The following TTC6 variants were observed in gnomAD, a reference collection of about 807,000 sequenced individuals.
The protein encoded by TTC6 is tetratricopeptide repeat domain 6, also known as tetratricopeptide repeat protein 6.
TTC6 carries 172 observed loss-of-function variants against 210.4 expected under a neutral mutation model. The observed-to-expected ratio is 0.82, with a 90% CI of 0.72 to 0.93. The LOEUF (loss-of-function observed/expected upper bound fraction) is 0.93, where lower values mean the gene tolerates loss of function less well. TTC6 is among the 40% of genes least tolerant of loss of function. The probability of loss-of-function intolerance (pLI) is 0.00; values close to 1 mark genes in which losing one functional copy is unlikely to be tolerated. For missense variants in TTC6, 2,414 were observed against 2,318.1 expected (o/e 1.04, Z -0.85); for synonymous variants, 804 against 819.6 (o/e 0.98, Z 0.32).
At chr14:37,750,566 C>G (rs2095948651) in intron 12 of TTC6, among the ~76,000 whole-genome samples, 1 of 152,094 alleles carries the variant, frequency 6.6e-6, no homozygotes, top group Non-Finnish European at 1.5e-5. Context: ...CCTTTGAGAA[C>G]AAATTTGGCA....
chr14:37,777,913 A>G (rs1385891661), intron 14 of TTC6, among the ~76,000 whole-genome samples: 2 of 151,912 alleles, frequency 1.3e-5, no homozygotes, highest in African/African-American at 2.4e-5. Context: ...CCTGGGCTGC[A>G]TGTTCTAACT....
intron 14 of TTC6, among the ~76,000 whole-genome samples, chr14:37,785,535 T>G (rs1347219654): frequency 6.6e-6 from 1 of 152,122 alleles, no homozygotes; most frequent in Non-Finnish European, 1.5e-5. Context: ...TTTCTCAAGG[T>G]TTTTAGCTGC....
intron 26 of TTC6, among the ~76,000 whole-genome samples, 193 bp downstream of exon 28, chr14:37,817,844 A>G (rs1218924750): frequency 6.6e-6 from 1 of 152,144 alleles, no homozygotes; most frequent in African/African-American, 2.4e-5. Flanking sequence ...GTTCCTCAGC[A>G]CCCTTCTGCC....
At chr14:37,640,467 C>T (rs1434128015) in intron 1 of TTC6, among the ~76,000 whole-genome samples, 1 of 152,156 alleles carries the variant, frequency 6.6e-6, no homozygotes, top group East Asian at 1.9e-4. Context: ...AAAAGCATCT[C>T]CTCCTAGTCC....
At position 37,749,349 on chromosome 14, in the gene TTC6, C is replaced by A. The variant is rs776169838; in HGVS notation, c.2774C>A (p.Ala925Asp). The A allele has an allele frequency of 4.1e-6, 6 of 1,481,280 alleles. No homozygotes were observed. The Admixed American group carries it at 1.4e-4, about 36-fold the overall frequency. 91.8% of individuals were successfully genotyped at this position (1,481,280 alleles called of 1,614,324 possible). A position where few individuals can be genotyped will look rare whatever the true frequency, so the allele number is the denominator to read the frequency against. ...GCATTTGCATATTGTAGGCGTGGAG[C>A]TATTTATAGGAAACTGGGAAAGTTG... Residue 925 changes from alanine to aspartate, a missense_variant, in exon 11 of 31, where the codon GCT becomes GAT. Ala to Asp is a moderately radical substitution (Grantham distance 126, BLOSUM62 -2). Coordinates refer to ENST00000553443, the Ensembl canonical transcript of TTC6.
intron 14 of TTC6, among the ~76,000 whole-genome samples, chr14:37,776,997 A>T (rs780525263): frequency 1.6e-4 from 24 of 152,040 alleles, no homozygotes; most frequent in Non-Finnish European, 2.6e-4. Context: ...TTTGTAGGTG[A>T]CCTGTCCTTT....
intron 24 of TTC6, among the ~76,000 whole-genome samples, chr14:37,810,260 C>T (rs1342609679): frequency 1.3e-5 from 2 of 152,174 alleles, no homozygotes; most frequent in Non-Finnish European, 2.9e-5. Flanking sequence ...AGGATTCCCT[C>T]CCCAACCCCA....
intron 3 of TTC6, among the ~76,000 whole-genome samples, chr14:37,683,427 G>A (rs953975281): frequency 1.3e-5 from 2 of 152,008 alleles, no homozygotes; most frequent in African/African-American, 4.8e-5. Context: ...TATCATATTT[G>A]CATATCACCC....
intron 10 of TTC6, among the ~76,000 whole-genome samples, chr14:37,742,107 G>A (rs975722916): frequency 6.6e-6 from 1 of 152,158 alleles, no homozygotes; most frequent in South Asian, 2.1e-4. Context: ...CCAACGTTCT[G>A]TCTTCCAGGA....
chr14:37,630,282 T>G (rs1170557705), intron 1 of TTC6, among the ~76,000 whole-genome samples: 2 of 152,338 alleles, frequency 1.3e-5, no homozygotes, highest in Non-Finnish European at 2.9e-5. Flanking sequence ...ATGTTGTGTC[T>G]TTGTTCTCAT....
intron 14 of TTC6, among the ~76,000 whole-genome samples, chr14:37,766,514 A>T (rs1267571180): frequency 6.6e-6 from 1 of 152,142 alleles, no homozygotes; most frequent in Non-Finnish European, 1.5e-5. Context: ...CTCCAGTTTT[A>T]TTCATGCCAC....
chr14:37,740,924 A>G (rs1483336233), intron 10 of TTC6, among the ~76,000 whole-genome samples: 2 of 152,182 alleles, frequency 1.3e-5, no homozygotes, highest in African/African-American at 4.8e-5. Flanking sequence ...AAGGATATAA[A>G]CTGATCAAAT....
At chr14:37,635,981 C>CAAAAAAAAAAAAAAAAAAAAAAAA (rs71433909) in intron 1 of TTC6, among the ~76,000 whole-genome samples, 4 of 70,358 alleles carry the variant, frequency 5.7e-5, no homozygotes, top group African/African-American at 6.7e-5. Context: ...ATTCCATTTC[C>CAAAAAAAAAAAAAAAAAAAAAAAA]AAAAAAAAAA....
At chr14:37,622,419 G>A in exon 1 of TTC6, 2 of 1,534,862 alleles carry the variant, frequency 1.3e-6, no homozygotes, top group Non-Finnish European at 1.7e-6. Flanking sequence ...TCGCCCCCGG[G>A]ACTTTTACTT....
chr14:37,648,518 T>G (rs1256482226), intron 1 of TTC6, among the ~76,000 whole-genome samples: 1 of 152,208 alleles, frequency 6.6e-6, no homozygotes, highest in Non-Finnish European at 1.5e-5. Flanking sequence ...TTTTTTTTTC[T>G]TCTACTGCAT....
intron 7 of TTC6, among the ~76,000 whole-genome samples, chr14:37,725,312 GTATA>G (rs1169644241): frequency 0.018 from 605 of 33,856 alleles, 7 homozygotes; most frequent in Non-Finnish European, 0.022. Flanking sequence ...GTGTGTGTGT[GTATA>G]TATATATATA....
chr14:37,720,685 A>G (rs2095860178), intron 6 of TTC6: 1 of 152,204 alleles, frequency 6.6e-6, no homozygotes, highest in African/African-American at 2.4e-5. Flanking sequence ...CTATTCATAC[A>G]TGCGATAACA....
At chr14:37,674,546 T>TG (rs2095764782) in intron 1 of TTC6, among the ~76,000 whole-genome samples, 1 of 152,136 alleles carries the variant, frequency 6.6e-6, no homozygotes, top group Non-Finnish European at 1.5e-5. Flanking sequence ...TATTCCCATT[T>TG]TACAAACTTG....
At chr14:37,765,769 A>G (rs1336045858) in intron 14 of TTC6, among the ~76,000 whole-genome samples, 1 of 152,084 alleles carries the variant, frequency 6.6e-6, no homozygotes, top group Non-Finnish European at 1.5e-5. Flanking sequence ...TTTACTCGGA[A>G]ATGCTTTGAT....
Sources: allele counts gnomAD v4.1 joint callset (sites outside exome capture counted in the v4.1 genomes callset), GRCh38; gene constraint gnomAD v4.1.1; transcripts MANE v1.5; gene names NCBI Gene and HGNC (gene_info 2026-07-23, HGNC 2026-07-21).